The following MYT1L variants were observed in gnomAD, a reference collection of about 807,000 sequenced individuals.
The protein encoded by MYT1L is myelin transcription factor 1 like.
MYT1L carries 12 observed loss-of-function variants against 126.7 expected under a neutral mutation model. The ratio of observed to expected loss-of-function variants is 0.09; its 90% CI spans 0.06 to 0.15. The LOEUF is 0.15. MYT1L is among the 10% of genes least tolerant of loss of function. MYT1L has a pLI of 1.00. For missense variants in MYT1L, 979 were observed against 1,585.2 expected, an observed-to-expected ratio of 0.62 and a Z score of 6.49; for synonymous variants, 541 against 604.2, an observed-to-expected ratio of 0.90 and a Z score of 1.53.
intron 9 of MYT1L, among the ~76,000 whole-genome samples, chr2:1,927,777 T>C (rs2054426241): frequency 6.6e-6 from 1 of 152,232 alleles, no homozygotes; most frequent in Non-Finnish European, 1.5e-5. Flanking sequence ...GGACCACTGC[T>C]TTCTATGGCT....
At chr2:2,076,521 A>C (rs1404781854) in intron 3 of MYT1L, among the ~76,000 whole-genome samples, 1 of 152,194 alleles carries the variant, frequency 6.6e-6, no homozygotes, top group Admixed American at 6.5e-5. Context: ...ATAAACAGAC[A>C]AACTACAAGC....
chr2:2,004,210 T>TGTTCTTTCCTGCAGGC (rs1395431757), intron 4 of MYT1L, among the ~76,000 whole-genome samples: 10,318 of 46,006 alleles, frequency 0.22, 2,386 homozygotes, highest in Non-Finnish European at 0.29. Context: ...TTCCTGAATG[T>TGTTCTTTCCTGCAGGC]GTTCTTTCCT....
At chr2:2,184,634 T>G (rs536635674) in intron 2 of MYT1L, among the ~76,000 whole-genome samples, 7 of 152,314 alleles carry the variant, frequency 4.6e-5, no homozygotes, top group Non-Finnish European at 8.8e-5. Context: ...AACACTCATC[T>G]GAGCAAGACC....
chr2:2,271,630 AT>A (rs1225027647), intron 2 of MYT1L, among the ~76,000 whole-genome samples: 1 of 152,174 alleles, frequency 6.6e-6, no homozygotes, highest in African/African-American at 2.4e-5. Context: ...AACAGAAATC[AT>A]TTCCTCACAG....
chr2:2,013,113 C>T (rs1201629945), intron 4 of MYT1L, among the ~76,000 whole-genome samples: 1 of 152,146 alleles, frequency 6.6e-6, no homozygotes, highest in African/African-American at 2.4e-5. Flanking sequence ...TGTACACTTC[C>T]AATGGGTGCA....
At chr2:2,103,510 C>T (rs1329739284) in intron 3 of MYT1L, among the ~76,000 whole-genome samples, 1 of 152,242 alleles carries the variant, frequency 6.6e-6, no homozygotes, top group African/African-American at 2.4e-5. Context: ...ACAGCTTGGC[C>T]ATCGGCCAGC....
At chr2:2,251,907 A>T (rs2094662005) in intron 2 of MYT1L, among the ~76,000 whole-genome samples, 1 of 151,906 alleles carries the variant, frequency 6.6e-6, no homozygotes, top group Admixed American at 6.6e-5. Flanking sequence ...AAAGAAAGAA[A>T]AGAAAAAGAA....
intron 2 of MYT1L, among the ~76,000 whole-genome samples, chr2:2,193,966 TTTTG>T (rs149563446): frequency 0.13 from 19,743 of 152,056 alleles, 1,274 homozygotes; most frequent in Non-Finnish European, 0.15. Context: ...AAAATTATGT[TTTTG>T]TTCTCTAAAT....
intron 4 of MYT1L, among the ~76,000 whole-genome samples, chr2:2,036,788 G>A (rs1343687932): frequency 1.3e-5 from 2 of 152,176 alleles, no homozygotes; most frequent in African/African-American, 4.8e-5. Context: ...TCTCCAATCT[G>A]TTTAAGCATC....
intron 1 of MYT1L, among the ~76,000 whole-genome samples, chr2:2,292,237 A>C (rs1473420696): frequency 1.3e-5 from 2 of 152,124 alleles, no homozygotes; most frequent in Non-Finnish European, 2.9e-5. Context: ...CTCAGGAAAG[A>C]CTGAAGGCTG....
chr2:2,325,220 C>G (rs1213103823), intron 1 of MYT1L: 1 of 152,010 alleles, frequency 6.6e-6, no homozygotes, highest in Non-Finnish European at 1.5e-5. Context: ...CCAAGCAAAA[C>G]AAAAAGAGGT....
chr2:1,837,166 G>A (rs1346356821), intron 21 of MYT1L, among the ~76,000 whole-genome samples: 1 of 152,202 alleles, frequency 6.6e-6, no homozygotes, highest in Non-Finnish European at 1.5e-5. Context: ...AATGCAACCA[G>A]AGGCTGGGGA....
At chr2:2,304,488 A>T (rs2095832259) in intron 1 of MYT1L, among the ~76,000 whole-genome samples, 2 of 152,204 alleles carry the variant, frequency 1.3e-5, no homozygotes, top group South Asian at 4.1e-4. Context: ...TGTGCTAATG[A>T]TCCTCATCAT....
chr2:1,822,251 T>C (rs1450679752), intron 21 of MYT1L, among the ~76,000 whole-genome samples: 1 of 152,152 alleles, frequency 6.6e-6, no homozygotes, highest in Non-Finnish European at 1.5e-5. Flanking sequence ...TTTAGTTGCA[T>C]TATATTTGTG....
intron 21 of MYT1L, chr2:1,828,645 T>C (rs1224069792): frequency 6.6e-6 from 1 of 152,246 alleles, no homozygotes. Context: ...TTCCATTAAA[T>C]GAGATGACTG....
At position 2,114,510 on chromosome 2, in the gene MYT1L, T is replaced by C. The variant is rs145643465; in HGVS notation, c.-304+58362A>G. 2.9e-3 allele frequency among the ~76,000 whole-genome samples: 448 copies of C among 152,370 alleles called. 8 individuals are homozygous for C. The highest frequency in any genetic ancestry group is 0.023 in the Admixed American group (352 of 15,298). ...TTCCTGCAGCTCTGTCATGAACACC[T>C]TCCTTTCCTTCATGATATTTGCCAC... On this transcript the variant is annotated intron_variant, in intron 3 of 24. Coordinates refer to ENST00000647738, the MANE Select transcript of MYT1L (RefSeq NM_001303052.2).
intron 2 of MYT1L, among the ~76,000 whole-genome samples, chr2:2,264,898 G>T (rs1209792373): frequency 6.6e-6 from 1 of 152,176 alleles, no homozygotes; most frequent in Non-Finnish European, 1.5e-5. Flanking sequence ...TGTTAAAGGG[G>T]ATGCAAAGCC....
At chr2:1,898,374 G>A (rs4853822) in intron 14 of MYT1L, among the ~76,000 whole-genome samples, 6,972 of 152,262 alleles carry the variant, frequency 0.046, 164 homozygotes, top group East Asian at 0.076. Context: ...AAATACGGAC[G>A]TCTAATCTTA....
At chr2:2,121,473 C>T (rs2147892705) in intron 3 of MYT1L, among the ~76,000 whole-genome samples, 1 of 149,256 alleles carries the variant, frequency 6.7e-6, no homozygotes, top group African/African-American at 2.5e-5. Context: ...CCGCCCTCAA[C>T]CTCTTTCTTT....
Sources: gnomAD v4.1 joint callset for allele counts (sites outside exome capture counted in the v4.1 genomes callset) on GRCh38, gnomAD v4.1.1 for gene constraint, MANE v1.5 for transcripts, NCBI Gene and HGNC (gene_info 2026-07-23, HGNC 2026-07-21) for gene names.